SUPT3H: variants seen among roughly 807,000 people sequenced by gnomAD.
SUPT3H encodes the protein SPT3 homolog, SAGA and STAGA complex component.
In SUPT3H, 44 loss-of-function variants were observed where a neutral mutation model predicts 44.3. That is an observed-to-expected ratio of 0.99 (90% CI 0.78 to 1.28). The LOEUF is 1.28. Among genes scored for constraint, SUPT3H ranks in the 50% most tolerant of loss-of-function variants. SUPT3H has a pLI of 0.00. For missense variants in SUPT3H, 380 were observed against 387.1 expected (o/e 0.98, Z 0.15); for synonymous variants, 124 against 125.6 (o/e 0.99, Z 0.09).
chr6:45,249,202 T>A (rs931489821), intron 2 of SUPT3H, among the ~76,000 whole-genome samples: 4 of 152,200 alleles, frequency 2.6e-5, no homozygotes, highest in Admixed American at 1.3e-4. Context: ...CTTCCCTCAT[T>A]TTCTGATTTA....
chr6:45,151,115 A>G (rs993526576), intron 2 of SUPT3H, among the ~76,000 whole-genome samples: 6 of 152,206 alleles, frequency 3.9e-5, no homozygotes, highest in African/African-American at 1.2e-4. Context: ...TGTTTCATAC[A>G]TATTTCTCCA....
chr6:44,907,606 A>G (rs2153451440), intron 10 of SUPT3H, among the ~76,000 whole-genome samples: 2 of 152,298 alleles, frequency 1.3e-5, no homozygotes, highest in South Asian at 4.1e-4. Context: ...TGAACCTGGG[A>G]GGCAGAGGTT....
At chr6:45,146,567 C>T (rs1040565250) in intron 2 of SUPT3H, among the ~76,000 whole-genome samples, 1 of 152,100 alleles carries the variant, frequency 6.6e-6, no homozygotes, top group Non-Finnish European at 1.5e-5. Flanking sequence ...CTGTTCCCCA[C>T]AAACTATTGA....
At chr6:45,026,869 T>C (rs141157483) in intron 3 of SUPT3H, among the ~76,000 whole-genome samples, 2 of 152,278 alleles carry the variant, frequency 1.3e-5, no homozygotes, top group East Asian at 1.9e-4. Flanking sequence ...GTTTATGTTA[T>C]ACCAAACTAT....
Position 45,243,945 on chromosome 6 carries a change from G to C in SUPT3H, c.101+121256C>G, listed in dbSNP as rs181725728. Among the ~76,000 whole-genome samples the C allele has an allele frequency of 9.1e-3, 1,380 of 152,266 alleles. 15 individuals are homozygous for C. The highest frequency in any genetic ancestry group is 0.028 in the South Asian group (137 of 4,828). ...CACCCAGGCTGGAGTGCAGTGGTGT[G>C]ATCATGGCTCACTGCAGCCTCAACA... On this transcript the variant is annotated intron_variant, in intron 2 of 10. Transcript: ENST00000371459.
At position 44,847,958 on chromosome 6, in the gene SUPT3H, C is replaced by CTTTTTTT. The variant is rs969869912; in HGVS notation, c.913-18108_913-18102dup. On this transcript the variant is annotated intron_variant, in intron 10 of 10. Coordinates refer to ENST00000371459, the MANE Select transcript of SUPT3H (RefSeq NM_003599.4). ...CTAGTGTTGACAGTTATCTCTGTGT[C>CTTTTTTT]TTTTTTTTTTTTTTTTTTTTTTTTT... 2.2e-4 allele frequency among the ~76,000 whole-genome samples: 13 copies of CTTTTTTT among 58,396 alleles called. 1 individual carries two copies. Among genetic ancestry groups the CTTTTTTT allele is most frequent in the Non-Finnish European group, 3.3e-4 (10 of 30,092 alleles). 38.3% of individuals were successfully genotyped at this position (58,396 alleles called of 152,430 possible).
intron 10 of SUPT3H, among the ~76,000 whole-genome samples, chr6:44,843,927 GCACACACA>G (rs56329630): frequency 0.033 from 4,806 of 147,862 alleles, 130 homozygotes; most frequent in South Asian, 0.12. Context: ...ACACACACAC[GCACACACA>G]CACACACACA....
intron 2 of SUPT3H, among the ~76,000 whole-genome samples, chr6:45,364,737 A>G (rs1272630278): frequency 6.6e-6 from 1 of 152,198 alleles, no homozygotes; most frequent in Non-Finnish European, 1.5e-5. Flanking sequence ...TCTGAAACAC[A>G]GTGATTTCAA....
At chr6:45,116,001 C>T (rs73737896) in intron 2 of SUPT3H, among the ~76,000 whole-genome samples, 5,455 of 152,194 alleles carry the variant, frequency 0.036, 336 homozygotes, top group African/African-American at 0.12. Flanking sequence ...CTCCAGAACA[C>T]GACCAATCCC....
chr6:44,985,625 T>G (rs1473530096), intron 6 of SUPT3H, among the ~76,000 whole-genome samples: 1 of 152,146 alleles, frequency 6.6e-6, no homozygotes, highest in Non-Finnish European at 1.5e-5. Context: ...GAAAATTTTG[T>G]CCTCTTTCTA....
chr6:44,831,969 C>G (rs759292110), intron 10 of SUPT3H, among the ~76,000 whole-genome samples: 6 of 152,086 alleles, frequency 3.9e-5, no homozygotes, highest in African/African-American at 7.2e-5. Flanking sequence ...ACCCAGATTT[C>G]TGTGATGTTC....
At chr6:44,822,296 A>G (rs1767382745), downstream of SUPT3H, among the ~76,000 whole-genome samples, 1 of 152,236 alleles carries the variant, frequency 6.6e-6, no homozygotes, top group South Asian at 2.1e-4. Flanking sequence ...TCTTTGGAGT[A>G]GCTTCCGGTT....
intron 3 of SUPT3H, among the ~76,000 whole-genome samples, chr6:45,030,152 C>T (rs1340986253): frequency 6.6e-6 from 1 of 152,064 alleles, no homozygotes; most frequent in Non-Finnish European, 1.5e-5. Flanking sequence ...ATTAAAATTG[C>T]AGAACGACAG....
intron 2 of SUPT3H, among the ~76,000 whole-genome samples, chr6:45,354,349 A>G (rs927431800): frequency 6.6e-6 from 1 of 152,218 alleles, no homozygotes; most frequent in African/African-American, 2.4e-5. Flanking sequence ...AAAAAAGGAC[A>G]GTTGCCAAAA....
chr6:45,221,505 TAA>T (rs1371024950), intron 2 of SUPT3H, among the ~76,000 whole-genome samples: 1 of 152,154 alleles, frequency 6.6e-6, no homozygotes, highest in Non-Finnish European at 1.5e-5. Flanking sequence ...TAATTACTCC[TAA>T]GACAATTACT....
intron 2 of SUPT3H, among the ~76,000 whole-genome samples, chr6:45,166,302 G>T (rs1809834116): frequency 6.6e-6 from 1 of 151,786 alleles, no homozygotes; most frequent in Non-Finnish European, 1.5e-5. Flanking sequence ...AAAAAGCAGG[G>T]AGAGGGCCAG....
intron 7 of SUPT3H, among the ~76,000 whole-genome samples, chr6:44,957,137 T>C (rs1205223725): frequency 6.6e-6 from 1 of 152,124 alleles, no homozygotes; most frequent in Non-Finnish European, 1.5e-5. Flanking sequence ...AATCCACTGA[T>C]TATTCTTTTG....
intron 10 of SUPT3H, among the ~76,000 whole-genome samples, chr6:44,900,475 A>C (rs1582350148): frequency 6.6e-6 from 1 of 152,100 alleles, no homozygotes; most frequent in Non-Finnish European, 1.5e-5. Flanking sequence ...AGGCTGGGGG[A>C]GGGGCGCCTG....
chr6:44,933,297 A>G (rs1770885339), intron 9 of SUPT3H, among the ~76,000 whole-genome samples: 1 of 131,988 alleles, frequency 7.6e-6, no homozygotes, highest in Admixed American at 8.0e-5. Flanking sequence ...CAAAACAAAA[A>G]CGAAACCAAC....
Sources: gnomAD v4.1 joint callset for allele counts (sites outside exome capture counted in the v4.1 genomes callset) on GRCh38, gnomAD v4.1.1 for gene constraint, MANE v1.5 for transcripts, NCBI Gene and HGNC (gene_info 2026-07-23, HGNC 2026-07-21) for gene names.